ATRNL1: variants seen among roughly 807,000 people sequenced by gnomAD.
The protein encoded by ATRNL1 is attractin like 1.
Under a neutral mutation model 182.7 loss-of-function variants are expected in ATRNL1, and 95 were observed. The ratio of observed to expected loss-of-function variants is 0.52; its 90% CI spans 0.44 to 0.62. The LOEUF is 0.62. ATRNL1 is among the 20% of genes least tolerant of loss of function. The pLI, the probability that ATRNL1 is intolerant of heterozygous loss-of-function variation, is 0.00. For synonymous variants in ATRNL1, 576 were observed against 568.3 expected (o/e 1.01, Z -0.19); for missense variants, 1,471 against 1,679.5 (o/e 0.88, Z 2.17).
In ATRNL1 at chr10:115,577,086, G is replaced by A. The variant is rs1316377046; in HGVS notation, c.3795+27550G>A. 4.0e-5 allele frequency among the ~76,000 whole-genome samples: 6 copies of A among 151,466 alleles called. No homozygotes were observed. In the East Asian group the frequency reaches 1.2e-3, roughly 29 times the overall value. On this transcript the variant is annotated intron_variant, in intron 26 of 28. Coordinates refer to ENST00000355044, the MANE Select transcript of ATRNL1 (RefSeq NM_207303.4). ...TGAAGCTCTCTTTTCGGTTCTATTGGTCTATGTGTTTTAATGCCAGTATCA... is the reference window on the plus strand; with the variant it reads ...TGAAGCTCTCTTTTCGGTTCTATTGATCTATGTGTTTTAATGCCAGTATCA...
chr10:115,749,001 A>C (rs1417787457), intron 27 of ATRNL1, among the ~76,000 whole-genome samples: 1 of 151,966 alleles, frequency 6.6e-6, no homozygotes, highest in Non-Finnish European at 1.5e-5. Flanking sequence ...GATGATTTTC[A>C]ATATAATCAC....
rs1218450311 is a variant in ATRNL1, at chr10:115,457,546, A to G, written c.3323-4395A>G. On this transcript the variant is annotated intron_variant, in intron 21 of 28. Coordinates refer to ENST00000355044, the MANE Select transcript of ATRNL1 (RefSeq NM_207303.4). Reference sequence around the variant, plus strand: ...TACAAATACTATATTTCCTCAGTCTATTTACTTTCCCTCTTTTTAATGACT... The same window carrying G: ...TACAAATACTATATTTCCTCAGTCTGTTTACTTTCCCTCTTTTTAATGACT... Among the ~76,000 whole-genome samples, 22 of 149,034 alleles carry G rather than the reference A, an allele frequency of 1.5e-4. 1 individual carries two copies. Among genetic ancestry groups the G allele is most frequent in the Admixed American group, 1.5e-3 (22 of 15,076 alleles).
intron 28 of ATRNL1, among the ~76,000 whole-genome samples, chr10:115,936,992 A>G (rs1382846064): frequency 6.6e-6 from 1 of 152,240 alleles, no homozygotes; most frequent in Non-Finnish European, 1.5e-5. Context: ...TAAACCAAGT[A>G]AAGTTTTTGA....
In ATRNL1 at chr10:115,268,317, G is replaced by C; in HGVS notation, c.1982-9G>C. ...CGTGCTGATATATCGTCCCCCATTT[G>C]TATTATAGCTGCTTCTGATGACAGA... On this transcript the variant is annotated splice_polypyrimidine_tract_variant and intron_variant, in intron 12 of 28. Coordinates refer to ENST00000355044, the MANE Select transcript of ATRNL1 (RefSeq NM_207303.4). 6.5e-7 allele frequency: 1 copy of C among 1,541,658 alleles called. No homozygotes were observed. The highest frequency in any genetic ancestry group is 9.0e-7 in the Non-Finnish European group (1 of 1,114,398).
At chr10:115,425,515 G>A (rs1175816259) in intron 20 of ATRNL1, among the ~76,000 whole-genome samples, 5 of 151,892 alleles carry the variant, frequency 3.3e-5, no homozygotes, top group African/African-American at 1.2e-4. Context: ...ACAAGGTTTT[G>A]TGAACTTGAA....
rs148896552 is a variant in ATRNL1, at chr10:115,192,744, C to T, written c.1348+21452C>T. 5.7e-4 allele frequency among the ~76,000 whole-genome samples: 87 copies of T among 151,652 alleles called. 1 individual carries two copies. The East Asian group carries it at 0.016, about 28-fold the overall frequency. The stretch of plus-strand genomic sequence containing the variant: ...TTTGTGTATTCTCTTCAATTTCTTT[C>T]ATCAGTGTCTTATAATTTCAATTGT... On this transcript the variant is annotated intron_variant, in intron 8 of 28. Coordinates refer to ENST00000355044, the MANE Select transcript of ATRNL1 (RefSeq NM_207303.4).
intron 26 of ATRNL1, among the ~76,000 whole-genome samples, chr10:115,725,169 A>C (rs1158257631): frequency 6.6e-6 from 1 of 152,180 alleles, no homozygotes; most frequent in East Asian, 1.9e-4. Context: ...AAAGTAATTT[A>C]GTAGGCATTC....
intron 9 of ATRNL1, among the ~76,000 whole-genome samples, chr10:115,223,059 C>G (rs1420383565): frequency 6.6e-6 from 1 of 152,138 alleles, no homozygotes; most frequent in African/African-American, 2.4e-5. Context: ...GTGGGCAGAT[C>G]ACTTGAAGCC....
chr10:115,799,027 A>G (rs1248104830), intron 27 of ATRNL1, among the ~76,000 whole-genome samples: 3 of 151,806 alleles, frequency 2.0e-5, no homozygotes, highest in Non-Finnish European at 4.4e-5. Flanking sequence ...GGATTTCACT[A>G]TGTTGGCCGG....
At chr10:115,111,402 G>T (rs888862906) in intron 1 of ATRNL1, among the ~76,000 whole-genome samples, 1 of 152,212 alleles carries the variant, frequency 6.6e-6, no homozygotes, top group African/African-American at 2.4e-5. Flanking sequence ...AAAGAGATTT[G>T]TTTGGCTCAT....
intron 27 of ATRNL1, among the ~76,000 whole-genome samples, chr10:115,802,889 A>G (rs1402423168): frequency 6.6e-6 from 1 of 152,198 alleles, no homozygotes; most frequent in Non-Finnish European, 1.5e-5. Context: ...CCTGTTTTAC[A>G]TGTCCTTTTA....
At chr10:115,376,371 C>A (rs186188211) in intron 19 of ATRNL1, among the ~76,000 whole-genome samples, 31 of 152,138 alleles carry the variant, frequency 2.0e-4, no homozygotes, top group Admixed American at 1.8e-3. Context: ...CTCATTGTAA[C>A]TTCAAATTCT....
chr10:115,293,788 C>T (rs1038022005), intron 15 of ATRNL1, among the ~76,000 whole-genome samples: 1 of 151,832 alleles, frequency 6.6e-6, no homozygotes, highest in African/African-American at 2.4e-5. Flanking sequence ...TATATCATTC[C>T]ATTCCTCTTG....
intron 26 of ATRNL1, among the ~76,000 whole-genome samples, chr10:115,553,207 G>T (rs1554996036): frequency 6.6e-6 from 1 of 151,160 alleles, no homozygotes; most frequent in Non-Finnish European, 1.5e-5. Flanking sequence ...ATAGTTACAA[G>T]AAGTTAATTT....
intron 26 of ATRNL1, among the ~76,000 whole-genome samples, chr10:115,616,064 T>C (rs1323461110): frequency 3.3e-5 from 5 of 152,170 alleles, no homozygotes; most frequent in Non-Finnish European, 5.9e-5. Context: ...TAGATTGTTA[T>C]AACCAAAATG....
chr10:115,921,548 C>T (rs1171196991), intron 28 of ATRNL1, among the ~76,000 whole-genome samples: 2 of 152,082 alleles, frequency 1.3e-5, no homozygotes, highest in East Asian at 3.9e-4. Flanking sequence ...ACCTCTTACC[C>T]CCATATTTCT....
intron 5 of ATRNL1, among the ~76,000 whole-genome samples, chr10:115,142,700 G>T (rs192797597): frequency 1.3e-5 from 2 of 152,288 alleles, no homozygotes; most frequent in East Asian, 3.9e-4. Context: ...CCAGTTCAGA[G>T]GCTACTGCTA....
chr10:115,262,750 A>G (rs1364467252), intron 10 of ATRNL1, among the ~76,000 whole-genome samples: 1 of 152,050 alleles, frequency 6.6e-6, no homozygotes, highest in Non-Finnish European at 1.5e-5. Context: ...ATTTCATAGA[A>G]GACTAAAACA....
chr10:115,927,706 T>C (rs572746619), intron 28 of ATRNL1, among the ~76,000 whole-genome samples: 2 of 152,228 alleles, frequency 1.3e-5, no homozygotes, highest in Non-Finnish European at 2.9e-5. Context: ...AGATACAAAC[T>C]TGTAAATGTG....
Sources: gnomAD v4.1 joint callset for allele counts (sites outside exome capture counted in the v4.1 genomes callset) on GRCh38, gnomAD v4.1.1 for gene constraint, MANE v1.5 for transcripts, NCBI Gene and HGNC (gene_info 2026-07-23, HGNC 2026-07-21) for gene names.